The following STK32C variants were observed in gnomAD, a reference collection of about 807,000 sequenced individuals.
STK32C encodes the protein serine/threonine kinase 32C.
A neutral mutation model predicts 56.5 loss-of-function variants in STK32C; 31 were observed. The ratio of observed to expected loss-of-function variants is 0.55; its 90% CI spans 0.41 to 0.74. The LOEUF (loss-of-function observed/expected upper bound fraction) is 0.74, where lower values mean the gene tolerates loss of function less well. Among genes scored for constraint, STK32C ranks in the 30% least tolerant of loss-of-function variants. STK32C has a pLI of 0.00. For synonymous variants in STK32C, 309 were observed against 289.4 expected (o/e 1.07, Z -0.69); for missense variants, 544 against 676.9 (o/e 0.80, Z 2.18).
At chr10:132,304,100 GAA>G (rs1293755942) in intron 1 of STK32C, among the ~76,000 whole-genome samples, 1 of 152,208 alleles carries the variant, frequency 6.6e-6, no homozygotes, top group Admixed American at 6.5e-5. Flanking sequence ...GTATCCTAGG[GAA>G]ACAATGCCAA....
intron 2 of STK32C, 74 bp downstream of exon 2, chr10:132,245,826 G>C: frequency 6.8e-7 from 1 of 1,467,670 alleles, no homozygotes; most frequent in Non-Finnish European, 9.4e-7. Flanking sequence ...GGTGGGCTCA[G>C]GGGACAGCAT....
chr10:132,297,082 C>T (rs989142359), intron 1 of STK32C, among the ~76,000 whole-genome samples: 2 of 152,244 alleles, frequency 1.3e-5, no homozygotes, highest in African/African-American at 4.8e-5. Context: ...CCTTGTGGTG[C>T]CCGAGCAGGT....
At chr10:132,305,103 C>T (rs1282133268) in intron 1 of STK32C, among the ~76,000 whole-genome samples, 1 of 152,178 alleles carries the variant, frequency 6.6e-6, no homozygotes, top group Non-Finnish European at 1.5e-5. Flanking sequence ...CAGAAAGACC[C>T]CCTAACCAAG....
chr10:132,268,611 G>A (rs890124599), intron 1 of STK32C, among the ~76,000 whole-genome samples: 5 of 150,442 alleles, frequency 3.3e-5, no homozygotes, highest in African/African-American at 1.2e-4. Context: ...ATGCCTGTGT[G>A]CATGCATGTC....
At chr10:132,208,753 T>C (rs1046360436) in intron 11 of STK32C, among the ~76,000 whole-genome samples, 7 of 151,326 alleles carry the variant, frequency 4.6e-5, no homozygotes, top group African/African-American at 1.7e-4. Context: ...GACGTGGCTC[T>C]GATGGGGCCT....
At chr10:132,299,886 T>C (rs1475549970) in intron 1 of STK32C, among the ~76,000 whole-genome samples, 1 of 152,234 alleles carries the variant, frequency 6.6e-6, no homozygotes, top group Non-Finnish European at 1.5e-5. Context: ...ACAGAGGCTC[T>C]GAGGTCAGAC....
At chr10:132,214,918 C>A (rs1303044249) in intron 10 of STK32C, among the ~76,000 whole-genome samples, 1 of 152,040 alleles carries the variant, frequency 6.6e-6, no homozygotes, top group Non-Finnish European at 1.5e-5. Flanking sequence ...ATATAAAATG[C>A]TTAATTAAAA....
At chr10:132,258,885 C>T (rs1386228964) in intron 1 of STK32C, among the ~76,000 whole-genome samples, 1 of 152,266 alleles carries the variant, frequency 6.6e-6, no homozygotes, top group African/African-American at 2.4e-5. Flanking sequence ...GGTCTCCGCC[C>T]GTGGGCAGAC....
intron 1 of STK32C, among the ~76,000 whole-genome samples, chr10:132,304,081 C>T (rs1449956669): frequency 6.6e-6 from 1 of 152,220 alleles, no homozygotes; most frequent in African/African-American, 2.4e-5. Flanking sequence ...CAATGTCGTT[C>T]CTAAAAATGT....
chr10:132,289,352 G>A (rs375155107), intron 1 of STK32C, among the ~76,000 whole-genome samples: 18 of 152,306 alleles, frequency 1.2e-4, no homozygotes, highest in South Asian at 8.3e-4. Context: ...AAAAGAGACC[G>A]CTGAGAAAAT....
At chr10:132,208,882 C>A (rs1394437570) in intron 11 of STK32C, 152 bp downstream of exon 11, 2 of 701,468 alleles carry the variant, frequency 2.9e-6, no homozygotes, top group Non-Finnish European at 4.8e-6. Flanking sequence ...TCCCGCCGCT[C>A]CCCTCCATAG....
chr10:132,321,073 A>G (rs924671451), downstream of STK32C, among the ~76,000 whole-genome samples: 2 of 152,126 alleles, frequency 1.3e-5, no homozygotes, highest in African/African-American at 2.4e-5. Flanking sequence ...GAGAGGCCCA[A>G]CTGGAGAGTG....
intron 7 of STK32C, among the ~76,000 whole-genome samples, chr10:132,224,789 C>T (rs1207363532): frequency 8.5e-5 from 13 of 152,110 alleles, no homozygotes; most frequent in Non-Finnish European, 1.9e-4. Flanking sequence ...CCCAGAGGGC[C>T]AGGAGGGAGC....
chr10:132,244,137 C>A (rs921273715), intron 2 of STK32C, among the ~76,000 whole-genome samples: 13 of 152,160 alleles, frequency 8.5e-5, no homozygotes, highest in Non-Finnish European at 1.8e-4. Context: ...ACAGGCCTCA[C>A]CTCACCCTCC....
At chr10:132,223,309 G>T (rs928723834) in intron 8 of STK32C, among the ~76,000 whole-genome samples, 5 of 152,170 alleles carry the variant, frequency 3.3e-5, no homozygotes, top group Non-Finnish European at 7.4e-5. Context: ...CCGGCTAGCG[G>T]CTAACACTCG....
chr10:132,225,818 G>A (rs759846989), intron 4 of STK32C, 34 bp from the exon 5 acceptor site: 2 of 1,613,500 alleles, frequency 1.2e-6, no homozygotes, highest in Non-Finnish European at 8.5e-7. Flanking sequence ...GGTGAGTTGG[G>A]AATCTGCCCT....
chr10:132,310,108 G>A (rs542271908), upstream of STK32C, among the ~76,000 whole-genome samples: 1 of 152,302 alleles, frequency 6.6e-6, no homozygotes, highest in African/African-American at 2.4e-5. This position sits in a 1 kb window ranked among gnomAD's most constrained non-coding sequence, Gnocchi z 4.6. Flanking sequence ...CTTGACCTAG[G>A]GATACCAAGT....
chr10:132,290,603 C>T (rs1048773724), intron 1 of STK32C, among the ~76,000 whole-genome samples: 1 of 152,208 alleles, frequency 6.6e-6, no homozygotes, highest in Non-Finnish European at 1.5e-5. Context: ...CAAGAGACCC[C>T]TAAGAAGCTA....
Position 132,222,847 on chromosome 10 carries a change from G to A in STK32C, c.1119+14C>T, listed in dbSNP as rs368916018. 186 of 1,589,584 alleles carry A rather than the reference G, an allele frequency of 1.2e-4. 1 individual carries two copies. Among genetic ancestry groups the A allele is most frequent in the Middle Eastern group, 3.5e-4 (2 of 5,698 alleles). On this transcript the variant is annotated intron_variant, in intron 9 of 11. Coordinates refer to ENST00000298630, the MANE Select transcript of STK32C (RefSeq NM_173575.4). ...ATCCCCAGGGCCCCCCACCTGAGCC[G>A]CCCACAGGCTTACGTTGGGCACGAA... is the stretch of plus-strand genomic sequence containing the variant.
Sources: gnomAD v4.1 joint callset for allele counts (sites outside exome capture counted in the v4.1 genomes callset) on GRCh38, gnomAD v4.1.1 for gene constraint, Gnocchi (gnomAD v3.1) non-coding constraint, MANE v1.5 for transcripts, NCBI Gene and HGNC (gene_info 2026-07-23, HGNC 2026-07-21) for gene names.